TMPO: variants seen among roughly 807,000 people sequenced by gnomAD.
TMPO encodes LEM domain containing 4.
A neutral mutation model predicts 45.4 loss-of-function variants in TMPO; 22 were observed. That is an observed-to-expected ratio of 0.48 (90% CI 0.35 to 0.69). The LOEUF (loss-of-function observed/expected upper bound fraction) is 0.69. Ranked by LOEUF, TMPO falls within the 30% of genes least tolerant of loss-of-function variation. The probability of loss-of-function intolerance (pLI) is 0.01; values close to 1 mark genes in which losing one functional copy is unlikely to be tolerated. For missense variants in TMPO, 512 were observed against 548.8 expected, an observed-to-expected ratio of 0.93 and a Z score of 0.67; for synonymous variants, 241 against 204.1, an observed-to-expected ratio of 1.18 and a Z score of -1.54.
chr12:98,516,244 G>T (rs1415554586), intron 1 of TMPO, 98 bp downstream of exon 1: 2 of 1,302,660 alleles, frequency 1.5e-6, no homozygotes, highest in African/African-American at 1.6e-5. Flanking sequence ...CGCCCCCTCG[G>T]GCCTCCCAGG....
intron 3 of TMPO, chr12:98,533,139 ATCT>A: frequency 1.2e-6 from 2 of 1,614,172 alleles, no homozygotes; most frequent in Non-Finnish European, 8.5e-7. Context: ...GTTCTTCGTC[ATCT>A]TCTCAGCCTG....
chr12:98,516,123 C>A lies in TMPO; in HGVS notation c.256C>A (p.Arg86=). The stretch of plus-strand genomic sequence containing the variant: ...CGGCTCTGGGGCCGCCGCCGCGGGC[C>A]GGAGCCGAGCAGCCGTCGGCAGGGT... ...VLGSGAAAAG[R]SRAAVGRKAT... The change falls in exon 1 of 9, where the codon CGG becomes AGG. Residue 86 remains arginine (R), a synonymous_variant. Coordinates refer to ENST00000556029, the MANE Select transcript of TMPO (RefSeq NM_001032283.3). 1 of 1,488,126 alleles carries A rather than the reference C, an allele frequency of 6.7e-7. No homozygotes were observed. Among genetic ancestry groups the A allele is most frequent in the Non-Finnish European group, 8.9e-7 (1 of 1,129,288 alleles). The allele number at this position is 1,488,126 out of a possible 1,614,324, so 92.2% of individuals were successfully genotyped here.
chr12:98,531,854 A>G lies in TMPO; in HGVS notation c.565+16A>G. 6.2e-7 allele frequency: 1 copy of G among 1,605,784 alleles called. No homozygotes were observed. Among genetic ancestry groups the G allele is most frequent in the Non-Finnish European group, 8.5e-7 (1 of 1,175,006 alleles). ...AATGAAGAAGGTAAAATTTTAAATGATGTTAATCAAATGTATGGAATTTTT... is the reference window on the plus strand; with the variant it reads ...AATGAAGAAGGTAAAATTTTAAATGGTGTTAATCAAATGTATGGAATTTTT... On this transcript the variant is annotated intron_variant, in intron 3 of 8. Transcript: ENST00000556029.
Position 98,527,844 on chromosome 12 carries a change from A to G in TMPO, c.280-42A>G, listed in dbSNP as rs2121172589. On this transcript the variant is annotated intron_variant, in intron 1 of 8. Coordinates refer to ENST00000556029, the MANE Select transcript of TMPO (RefSeq NM_001032283.3). ...ACAGGTTATTATCTAGTAAGTGAAC[A>G]CTTTAATTCATATGGAAATGATTAC... is the stretch of plus-strand genomic sequence containing the variant. 2.5e-6 allele frequency: 4 copies of G among 1,610,502 alleles called. No individual in the cohort carries two copies. The East Asian group carries it at 8.9e-5, about 36-fold the overall frequency.
At chr12:98,518,045 C>T (rs1876014904) in intron 1 of TMPO, among the ~76,000 whole-genome samples, 1 of 151,062 alleles carries the variant, frequency 6.6e-6, no homozygotes, top group African/African-American at 2.4e-5. Flanking sequence ...TGGCGGCGGC[C>T]GAGGCAGGAG....
intron 1 of TMPO, chr12:98,516,399 T>C (rs1053397467): frequency 1.5e-4 from 173 of 1,191,936 alleles, no homozygotes; most frequent in Non-Finnish European, 1.7e-4. Flanking sequence ...TTGGCGGCGG[T>C]TGTTTTGCAC....
At chr12:98,533,727 A>G (rs768204898) in intron 3 of TMPO, 1 of 1,614,224 alleles carries the variant, frequency 6.2e-7, no homozygotes, top group South Asian at 1.1e-5. Flanking sequence ...CCTCAGAACT[A>G]TCTTTTCCCT....
intron 1 of TMPO, among the ~76,000 whole-genome samples, chr12:98,524,059 G>A (rs1260669198): frequency 2.0e-5 from 3 of 152,148 alleles, no homozygotes; most frequent in Non-Finnish European, 2.9e-5. Flanking sequence ...TCCTTCCCCA[G>A]ATTTGACAAA....
intron 1 of TMPO, among the ~76,000 whole-genome samples, chr12:98,526,742 G>A (rs1239186597): frequency 2.6e-5 from 4 of 151,960 alleles, no homozygotes; most frequent in Non-Finnish European, 4.4e-5. Flanking sequence ...GGCAGATAAC[G>A]AGGTCAAGAG....
At chr12:98,535,431 T>G in intron 3 of TMPO, 1 of 985,382 alleles carries the variant, frequency 1.0e-6, no homozygotes, top group Non-Finnish European at 1.2e-6. Context: ...TAATAAAATA[T>G]GGTCTCTTGG....
chr12:98,517,863 T>G (rs1875991554), intron 1 of TMPO, among the ~76,000 whole-genome samples: 1 of 152,254 alleles, frequency 6.6e-6, no homozygotes, highest in Admixed American at 6.5e-5. Context: ...TTTAAACTCT[T>G]TAAGTAGAGT....
chr12:98,534,919 T>C (rs1427871773), intron 3 of TMPO: 5 of 957,788 alleles, frequency 5.2e-6, no homozygotes, highest in Middle Eastern at 5.3e-4. Flanking sequence ...CTGTTACTTA[T>C]CCACAGGCAA....
rs1240260561 is a variant in TMPO, at chr12:98,531,092, C to G, written c.407-588C>G. Among the ~76,000 whole-genome samples, 4 of 152,270 alleles carry G rather than the reference C, an allele frequency of 2.6e-5. No homozygotes were observed. In the East Asian group the frequency reaches 7.7e-4, roughly 29 times the overall value. The stretch of plus-strand genomic sequence containing the variant: ...TGGCTGGGATTACAGGCGCCCACCA[C>G]CAGGCCCAGCTAATTTTTTGTATTT... On this transcript the variant is annotated intron_variant, in intron 2 of 8. Coordinates refer to ENST00000556029, the MANE Select transcript of TMPO (RefSeq NM_001032283.3).
intron 2 of TMPO, among the ~76,000 whole-genome samples, chr12:98,530,024 T>C (rs1047392792): frequency 6.6e-6 from 1 of 152,206 alleles, no homozygotes; most frequent in Non-Finnish European, 1.5e-5. Flanking sequence ...TATAACACTT[T>C]TAAAAAATGT....
In TMPO at chr12:98,548,890, G is replaced by A. The variant is rs1482666126; in HGVS notation, c.*1032G>A. The A allele has an allele frequency of 6.6e-6, 1 of 152,248 alleles. No homozygotes were observed. The highest frequency in any genetic ancestry group is 1.5e-5 in the Non-Finnish European group (1 of 68,084). The allele number at this position is 152,248 out of a possible 1,614,324, so 9.4% of individuals were successfully genotyped here. Reference sequence around the variant, plus strand: ...AATCCCAGCACTTTGGGAGGCCAGGGCGGGTGGATCACGAGGTCAAGAGAT... The same window carrying A: ...AATCCCAGCACTTTGGGAGGCCAGGACGGGTGGATCACGAGGTCAAGAGAT... On this transcript the variant is annotated 3_prime_UTR_variant, in exon 9 of 9. Coordinates refer to ENST00000556029, the MANE Select transcript of TMPO (RefSeq NM_001032283.3).
intron 4 of TMPO, among the ~76,000 whole-genome samples, chr12:98,539,055 C>T (rs996245497): frequency 6.6e-5 from 10 of 151,968 alleles, no homozygotes; most frequent in African/African-American, 1.7e-4. Context: ...ACAAAATTAG[C>T]CAGGCATGGT....
intron 1 of TMPO, among the ~76,000 whole-genome samples, chr12:98,519,898 C>A (rs1876200467): frequency 1.3e-5 from 2 of 152,068 alleles, no homozygotes; most frequent in South Asian, 4.1e-4. Context: ...ACGTTTTGGT[C>A]ATTTTTAGCC....
chr12:98,522,737 A>G (rs1368382124), intron 1 of TMPO, among the ~76,000 whole-genome samples: 2 of 152,252 alleles, frequency 1.3e-5, no homozygotes, highest in Non-Finnish European at 2.9e-5. Context: ...TGAAAGTGAC[A>G]TGTATATCAT....
chr12:98,533,585 G>C (rs1472081547), intron 3 of TMPO: 2 of 1,614,140 alleles, frequency 1.2e-6, no homozygotes, highest in Non-Finnish European at 1.7e-6. Context: ...AGGGATTCAG[G>C]TTCCTTTGTG....
Sources: allele counts gnomAD v4.1 joint callset (sites outside exome capture counted in the v4.1 genomes callset), GRCh38; gene constraint gnomAD v4.1.1; transcripts MANE v1.5; gene names NCBI Gene and HGNC (gene_info 2026-07-23, HGNC 2026-07-21).